Variants in PPM1E observed in about 807,000 individuals in gnomAD.
PPM1E encodes the protein protein phosphatase 1E.
Under a neutral mutation model 65.9 loss-of-function variants are expected in PPM1E, and 20 were observed. The ratio of observed to expected loss-of-function variants is 0.30; its 90% CI spans 0.21 to 0.44. PPM1E has a LOEUF of 0.44. Ranked by LOEUF, PPM1E falls within the 20% of genes least tolerant of loss-of-function variation. The pLI is 1.00. For missense variants in PPM1E, 713 were observed against 953.1 expected (o/e 0.75, Z 3.32); for synonymous variants, 352 against 374.9 (o/e 0.94, Z 0.70).
chr17:58,768,554 G>C (rs1380098415), intron 1 of PPM1E, among the ~76,000 whole-genome samples: 1 of 152,102 alleles, frequency 6.6e-6, no homozygotes, highest in Non-Finnish European at 1.5e-5. Flanking sequence ...TCTTGTTCAG[G>C]CATTACCTAT....
intron 1 of PPM1E, among the ~76,000 whole-genome samples, chr17:58,930,266 C>T (rs1474980876): frequency 6.6e-6 from 1 of 151,502 alleles, no homozygotes; most frequent in East Asian, 1.9e-4. Context: ...CACACACACA[C>T]ACACACACAC....
At chr17:58,867,244 C>T (rs1258867301) in intron 1 of PPM1E, among the ~76,000 whole-genome samples, 4 of 152,228 alleles carry the variant, frequency 2.6e-5, no homozygotes, top group African/African-American at 9.6e-5. Flanking sequence ...TCCCAAAGTG[C>T]TGGGATTACA....
At chr17:58,904,856 CAA>C (rs71367643) in intron 1 of PPM1E, among the ~76,000 whole-genome samples, 19 of 104,036 alleles carry the variant, frequency 1.8e-4, no homozygotes, top group East Asian at 2.9e-4. Context: ...ACTAAAAATA[CAA>C]AAAAAAAAAA....
intron 1 of PPM1E, among the ~76,000 whole-genome samples, chr17:58,878,462 T>A (rs991359879): frequency 3.3e-5 from 5 of 151,646 alleles, no homozygotes; most frequent in Admixed American, 3.3e-4. Context: ...CAGGCTGGTC[T>A]TGAACTCCTG....
chr17:58,933,195 G>A (rs542472108), intron 1 of PPM1E, among the ~76,000 whole-genome samples: 8 of 152,304 alleles, frequency 5.3e-5, no homozygotes, highest in African/African-American at 1.9e-4. Context: ...ACACATGACT[G>A]TAATTGTGCA....
intron 1 of PPM1E, among the ~76,000 whole-genome samples, chr17:58,761,481 T>G (rs1263404046): frequency 6.6e-6 from 1 of 152,248 alleles, no homozygotes; most frequent in Non-Finnish European, 1.5e-5. Context: ...TCCACCCACT[T>G]CATCCCAGCT....
At chr17:58,886,445 G>A (rs999300420) in intron 1 of PPM1E, among the ~76,000 whole-genome samples, 2 of 152,156 alleles carry the variant, frequency 1.3e-5, no homozygotes. Context: ...ACAAACTCAG[G>A]TCACAGGATC....
intron 6 of PPM1E, 149 bp from the exon 7 acceptor site, chr17:58,979,825 T>C (rs927405907): frequency 4.4e-5 from 29 of 654,970 alleles, no homozygotes; most frequent in Middle Eastern, 4.1e-4. Context: ...TTTAAGTATT[T>C]TGTCAAAAAC....
chr17:58,878,504 A>C (rs1489642097), intron 1 of PPM1E, among the ~76,000 whole-genome samples: 2 of 151,744 alleles, frequency 1.3e-5, no homozygotes, highest in Non-Finnish European at 2.9e-5. Context: ...TTGGCCTCCC[A>C]AAGTGCTGGG....
intron 1 of PPM1E, among the ~76,000 whole-genome samples, chr17:58,856,811 C>A (rs1294322145): frequency 2.6e-5 from 4 of 152,316 alleles, no homozygotes; most frequent in African/African-American, 9.6e-5. Context: ...ATCTCCAGAA[C>A]TGTGAGAAAA....
intron 1 of PPM1E, among the ~76,000 whole-genome samples, chr17:58,834,395 T>G (rs1194584531): frequency 6.6e-6 from 1 of 152,208 alleles, no homozygotes; most frequent in African/African-American, 2.4e-5. Flanking sequence ...AAAGTTTTAA[T>G]TATGATGAAG....
At chr17:58,797,268 C>G (rs2050215767) in intron 1 of PPM1E, among the ~76,000 whole-genome samples, 1 of 151,986 alleles carries the variant, frequency 6.6e-6, no homozygotes, top group South Asian at 2.1e-4. Flanking sequence ...CTTAATTGTG[C>G]TATTTGATGA....
At chr17:58,975,229 C>G (rs766931593) in intron 6 of PPM1E, among the ~76,000 whole-genome samples, 2 of 152,236 alleles carry the variant, frequency 1.3e-5, no homozygotes, top group Non-Finnish European at 2.9e-5. Flanking sequence ...TTCTCCTGAT[C>G]TGACCTTTGT....
At chr17:58,761,722 A>T (rs2049823058) in intron 1 of PPM1E, among the ~76,000 whole-genome samples, 1 of 152,160 alleles carries the variant, frequency 6.6e-6, no homozygotes, top group East Asian at 1.9e-4. Context: ...CCTCACACTC[A>T]TCATGAGTTA....
At chr17:58,798,799 T>C (rs371287183) in intron 1 of PPM1E, among the ~76,000 whole-genome samples, 2 of 152,092 alleles carry the variant, frequency 1.3e-5, no homozygotes, top group African/African-American at 4.8e-5. Context: ...GTTCAAGTGA[T>C]ACTCATGTCT....
chr17:58,943,332 TAAAAC>T (rs897899590), intron 1 of PPM1E, among the ~76,000 whole-genome samples: 23 of 151,892 alleles, frequency 1.5e-4, no homozygotes, highest in African/African-American at 5.1e-4. Flanking sequence ...AACACACAAA[TAAAAC>T]AAAAACCAAA....
intron 1 of PPM1E, among the ~76,000 whole-genome samples, chr17:58,873,989 A>G (rs541442739): frequency 1.1e-3 from 161 of 152,262 alleles, no homozygotes; most frequent in African/African-American, 3.7e-3. Flanking sequence ...ATTTATTGAA[A>G]TCTTGCTATA....
At chr17:58,884,549 A>G (rs1439490164) in intron 1 of PPM1E, among the ~76,000 whole-genome samples, 2 of 152,136 alleles carry the variant, frequency 1.3e-5, no homozygotes, top group Non-Finnish European at 2.9e-5. Context: ...GGTTTCTGAA[A>G]GGAGTACATT....
rs1818663647 is a variant in PPM1E, at chr17:58,983,863, G to C, written c.*2832G>C. The stretch of plus-strand genomic sequence containing the variant: ...CAAACAAGAGTGTAATATTGGTTAG[G>C]GAAACAAACTTCAGGTCACCAACTG... On this transcript the variant is annotated 3_prime_UTR_variant, in exon 7 of 7. Transcript: ENST00000308249. 1 of 152,506 alleles carries C rather than the reference G, an allele frequency of 6.6e-6. No individual in the cohort carries two copies. Among genetic ancestry groups the C allele is most frequent in the Non-Finnish European group, 1.5e-5 (1 of 68,006 alleles). 9.4% of individuals were successfully genotyped at this position (152,506 alleles called of 1,614,324 possible). A position where few individuals can be genotyped will look rare whatever the true frequency, so the allele number is the denominator to read the frequency against.
Sources: allele counts gnomAD v4.1 joint callset (sites outside exome capture counted in the v4.1 genomes callset), GRCh38; gene constraint gnomAD v4.1.1; transcripts MANE v1.5; gene names NCBI Gene and HGNC (gene_info 2026-07-23, HGNC 2026-07-21).